TCEA1: variants seen among roughly 807,000 people sequenced by gnomAD.
TCEA1 encodes the protein transcription elongation factor A protein 1.
In TCEA1, 21 loss-of-function variants were observed where a neutral mutation model predicts 43.8. The observed-to-expected ratio is 0.48, with a 90% CI of 0.34 to 0.69. The LOEUF (loss-of-function observed/expected upper bound fraction) is 0.69. TCEA1 is among the 30% of genes least tolerant of loss of function. The pLI, the probability that TCEA1 is intolerant of heterozygous loss-of-function variation, is 0.01. For synonymous variants in TCEA1, 104 were observed against 117.5 expected (o/e 0.88, Z 0.75); for missense variants, 250 against 365.1 (o/e 0.68, Z 2.57).
intron 7 of TCEA1, 109 bp downstream of exon 7, chr8:53,984,254 G>T (rs892777913): frequency 9.3e-7 from 1 of 1,075,588 alleles, no homozygotes. Context: ...CAGAATAACG[G>T]AAATTTATTA....
rs940521528 is a variant in TCEA1 at position 53,973,141 on chromosome 8, A to C, written c.826-2678T>G. ...GAGCTACAAGGTGATGATGAAGTCA[A>C]TGTAGAAGAAGATGGGAAAACAAAA... On this transcript the variant is annotated intron_variant, in intron 8 of 9. Transcript: ENST00000521604. The C allele has an allele frequency of 1.6e-5, 9 of 575,194 alleles. No individual in the cohort carries two copies. The African/African-American group carries it at 1.8e-4, about 11-fold the overall frequency. The allele number at this position is 575,194 out of a possible 1,614,324, so 35.6% of individuals were successfully genotyped here. A position where few individuals can be genotyped will look rare whatever the true frequency, so the allele number is the denominator to read the frequency against.
At chr8:53,992,398 A>C (rs1000817166) in intron 4 of TCEA1, among the ~76,000 whole-genome samples, 1 of 151,532 alleles carries the variant, frequency 6.6e-6, no homozygotes, top group African/African-American at 2.4e-5. Context: ...GGATCACCTG[A>C]AATCAGGAGT....
chr8:53,969,096 C>T (rs541655857), intron 9 of TCEA1, among the ~76,000 whole-genome samples: 1 of 152,130 alleles, frequency 6.6e-6, no homozygotes, highest in Non-Finnish European at 1.5e-5. Context: ...TCAAGAGCAG[C>T]CTGGCCAACA....
intron 2 of TCEA1, chr8:54,002,911 C>T (rs1014660139): frequency 3.9e-5 from 18 of 456,126 alleles, no homozygotes; most frequent in Admixed American, 1.6e-4. Flanking sequence ...GTGGAGAGTG[C>T]ATTAAGCAGC....
chr8:53,993,127 A>ATTTTTTTTTT (rs11306062), intron 4 of TCEA1, among the ~76,000 whole-genome samples: 1 of 84,190 alleles, frequency 1.2e-5, no homozygotes, highest in Non-Finnish European at 2.2e-5. Context: ...TACATGGCTA[A>ATTTTTTTTTT]TTTTTTTTTT....
chr8:54,021,949 C>T, intron 1 of TCEA1, 114 bp downstream of exon 1: 1 of 1,113,936 alleles, frequency 9.0e-7, no homozygotes, highest in Non-Finnish European at 1.2e-6. Context: ...GCGGGCCCGG[C>T]TCCCAGACGG....
At chr8:53,994,651 G>A (rs970484226) in intron 3 of TCEA1, among the ~76,000 whole-genome samples, 8 of 151,942 alleles carry the variant, frequency 5.3e-5, no homozygotes, top group African/African-American at 1.7e-4. Context: ...GGCAGATCAC[G>A]AGGTCAGGAG....
At chr8:53,988,369 G>A (rs2129303833) in intron 4 of TCEA1, 110 bp from the exon 5 acceptor site, 2 of 1,306,404 alleles carry the variant, frequency 1.5e-6, no homozygotes, top group Middle Eastern at 2.0e-4. Context: ...AAATGACACA[G>A]TATCTCAGTG....
Position 53,968,086 on chromosome 8 carries a change from T to C in TCEA1, c.*18A>G, listed in dbSNP as rs748213888. 2 of 1,526,702 alleles carry C rather than the reference T, an allele frequency of 1.3e-6. No homozygotes were observed. The highest frequency in any genetic ancestry group is 2.5e-5 in the South Asian group (2 of 80,024). The allele number at this position is 1,526,702 out of a possible 1,614,324, so 94.6% of individuals were successfully genotyped here. On this transcript the variant is annotated 3_prime_UTR_variant, in exon 10 of 10. Transcript: ENST00000521604. ...TCCGTTTTCTTAATGGTCCAGATAT[T>C]TTGCCAATTCTTCCAACTCAACAGA...
At chr8:54,013,657 G>C (rs572876111) in intron 1 of TCEA1, among the ~76,000 whole-genome samples, 1 of 127,634 alleles carries the variant, frequency 7.8e-6, no homozygotes. Context: ...CTCCAACCTG[G>C]ACGATAGAGC....
At chr8:54,003,735 G>C (rs1804350554) in intron 2 of TCEA1, among the ~76,000 whole-genome samples, 1 of 151,810 alleles carries the variant, frequency 6.6e-6, no homozygotes, top group Non-Finnish European at 1.5e-5. Context: ...CTTGGATTAG[G>C]GAATGGTTTC....
chr8:53,976,025 G>C (rs988581110), intron 8 of TCEA1, among the ~76,000 whole-genome samples: 7 of 152,058 alleles, frequency 4.6e-5, no homozygotes, highest in African/African-American at 1.7e-4. Flanking sequence ...AGAATTACCA[G>C]AATCAAAGGT....
At chr8:53,972,330 G>T in intron 8 of TCEA1, 1 of 477,458 alleles carries the variant, frequency 2.1e-6, no homozygotes. Context: ...AGAGAATGGT[G>T]AGGATGATGA....
chr8:53,981,398 T>C (rs1585996682), intron 7 of TCEA1, among the ~76,000 whole-genome samples: 2 of 152,180 alleles, frequency 1.3e-5, no homozygotes, highest in South Asian at 4.2e-4. Flanking sequence ...GGCTAAAGCA[T>C]CTGGTGACTT....
rs1036104216 is a variant in TCEA1, at chr8:54,001,210, G to A, written c.127-1160C>T. The stretch of plus-strand genomic sequence containing the variant: ...AAATGGTATATTATTTAGTAAGTTC[G>A]GGTTGTTAACAGACAATATTTCAAA... On this transcript the variant is annotated intron_variant, in intron 2 of 9. Transcript: ENST00000521604. Among the ~76,000 whole-genome samples, 11 of 152,022 alleles carry A rather than the reference G, an allele frequency of 7.2e-5. No homozygotes were observed. The South Asian group carries it at 8.3e-4, about 11-fold the overall frequency.
intron 2 of TCEA1, among the ~76,000 whole-genome samples, chr8:54,002,029 C>T (rs1411544056): frequency 6.6e-5 from 10 of 151,694 alleles, no homozygotes; most frequent in Admixed American, 2.6e-4. Context: ...ATTAGCTGGG[C>T]GTGGTGGCAA....
intron 4 of TCEA1, among the ~76,000 whole-genome samples, chr8:53,988,789 G>A (rs185881665): frequency 1.3e-5 from 2 of 152,126 alleles, no homozygotes; most frequent in African/African-American, 4.8e-5. Context: ...CTGTTTCACT[G>A]GGCATGGTGG....
chr8:53,998,133 T>C (rs1163187210), intron 3 of TCEA1, among the ~76,000 whole-genome samples: 2 of 152,190 alleles, frequency 1.3e-5, no homozygotes, highest in African/African-American at 2.4e-5. Context: ...ACATTAATGA[T>C]GGTTACATGA....
intron 9 of TCEA1, among the ~76,000 whole-genome samples, chr8:53,969,365 G>A (rs755573953): frequency 3.3e-5 from 5 of 152,096 alleles, no homozygotes; most frequent in Non-Finnish European, 7.4e-5. Context: ...GAAGCCAAAT[G>A]GATATCTTCG....
Sources: allele counts gnomAD v4.1 joint callset (sites outside exome capture counted in the v4.1 genomes callset), GRCh38; gene constraint gnomAD v4.1.1; transcripts MANE v1.5; gene names NCBI Gene and HGNC (gene_info 2026-07-23, HGNC 2026-07-21).